Variants in CSMD2 observed in about 807,000 individuals in gnomAD.
CSMD2 encodes CUB and sushi domain-containing protein 2.
In CSMD2, 130 loss-of-function variants were observed where a neutral mutation model predicts 398.5. The observed-to-expected ratio is 0.33, with a 90% confidence interval of 0.28 to 0.38. The LOEUF (loss-of-function observed/expected upper bound fraction) is 0.38, where lower values mean the gene tolerates loss of function less well. Among genes scored for constraint, CSMD2 ranks in the 10% least tolerant of loss-of-function variants. CSMD2 has a pLI of 1.00. For synonymous variants in CSMD2, 1,828 were observed against 1,908.5 expected (o/e 0.96, Z 1.10); for missense variants, 3,829 against 4,764.9 (o/e 0.80, Z 5.78).
intron 2 of CSMD2, among the ~76,000 whole-genome samples, chr1:34,060,492 G>A (rs1300714437): frequency 6.6e-6 from 1 of 152,160 alleles, no homozygotes; most frequent in African/African-American, 2.4e-5. Flanking sequence ...GGGAGGACAG[G>A]CAACTGCGGC....
chr1:33,666,957 G>T (rs906668615), intron 25 of CSMD2, among the ~76,000 whole-genome samples: 2 of 152,180 alleles, frequency 1.3e-5, no homozygotes, highest in African/African-American at 4.8e-5. Context: ...CGTGAAAGGA[G>T]AGTGCTTTCT....
At chr1:34,042,221 C>T (rs1651927431) in intron 2 of CSMD2, among the ~76,000 whole-genome samples, 1 of 152,200 alleles carries the variant, frequency 6.6e-6, no homozygotes, top group South Asian at 2.1e-4. Flanking sequence ...TAGGCTTTGT[C>T]CAAATGTCTT....
chr1:33,982,427 G>A (rs1230840226), intron 3 of CSMD2, among the ~76,000 whole-genome samples: 4 of 152,174 alleles, frequency 2.6e-5, no homozygotes, highest in Non-Finnish European at 2.9e-5. Context: ...CCTTGAGAAA[G>A]CCATTTAACC....
chr1:33,898,244 G>T (rs1009803192), intron 5 of CSMD2, among the ~76,000 whole-genome samples: 1 of 152,146 alleles, frequency 6.6e-6, no homozygotes, highest in Non-Finnish European at 1.5e-5. Context: ...CTTGTTGAAG[G>T]GATATCGTGG....
At chr1:33,597,871 GCAATGAAAT>G (rs1234123980) in intron 44 of CSMD2, among the ~76,000 whole-genome samples, 1 of 152,188 alleles carries the variant, frequency 6.6e-6, no homozygotes, top group African/African-American at 2.4e-5. Context: ...ATATTTTCAT[GCAATGAAAT>G]CATACAGCAT....
Position 33,567,906 on chromosome 1 carries a change from C to T in CSMD2, c.8132-65G>A, listed in dbSNP as rs576147038. On this transcript the variant is annotated intron_variant, in intron 52 of 70. Coordinates refer to ENST00000373381, the MANE Select transcript of CSMD2 (RefSeq NM_001281956.2). Reference sequence around the variant, plus strand: ...ACAACTCATTACTTTTCCCACCTCTCCCTGAGAGTAGCAATCTAGGAGTGA... The same window carrying T: ...ACAACTCATTACTTTTCCCACCTCTTCCTGAGAGTAGCAATCTAGGAGTGA... 407 of 1,520,230 alleles carry T rather than the reference C, an allele frequency of 2.7e-4. 2 individuals are homozygous for T. The Middle Eastern group carries it at 2.8e-3, about 10-fold the overall frequency. 94.2% of individuals were successfully genotyped at this position (1,520,230 alleles called of 1,614,324 possible).
At chr1:34,139,305 C>A (rs1160745639) in intron 1 of CSMD2, among the ~76,000 whole-genome samples, 1 of 152,172 alleles carries the variant, frequency 6.6e-6, no homozygotes, top group East Asian at 1.9e-4. Context: ...CCTGGACTGG[C>A]ACACTCAGCC....
intron 44 of CSMD2, among the ~76,000 whole-genome samples, chr1:33,588,741 A>T (rs1639246457): frequency 1.3e-5 from 2 of 152,156 alleles, no homozygotes; most frequent in Non-Finnish European, 2.9e-5. Context: ...GCGCCATGAA[A>T]TCTTGCAGCT....
At chr1:33,837,124 T>C (rs1660374318) in intron 6 of CSMD2, among the ~76,000 whole-genome samples, 1 of 152,142 alleles carries the variant, frequency 6.6e-6, no homozygotes, top group Non-Finnish European at 1.5e-5. Context: ...TTTTTAACAG[T>C]CTGCTCAGGT....
In CSMD2 at chr1:33,635,322, C is replaced by A. The variant is rs1642731310; in HGVS notation, c.4978G>T (p.Gly1660Trp). 1 of 1,604,530 alleles carries A rather than the reference C, an allele frequency of 6.2e-7. No homozygotes were observed. Among genetic ancestry groups the A allele is most frequent in the Admixed American group, 1.7e-5 (1 of 59,768 alleles). ...CCGTCCGAACCCACATACTGTCCCC[C>A]ACAGGGGGCTGAAAGAGAAACCAGA... ...NPRPVCTAPC[G>W]GQYVGSDGVV... is the part of the protein sequence containing the mutation. Residue 1660 changes from glycine (G) to tryptophan (W), a missense_variant, in exon 31 of 71, where the codon GGG (glycine) becomes TGG (tryptophan). Physicochemically the swap from Gly to Trp is radical, Grantham distance 184 (BLOSUM62 -2). Coordinates refer to ENST00000373381, the MANE Select transcript of CSMD2 (RefSeq NM_001281956.2). This position sits in a 1 kb window ranked among gnomAD's most constrained non-coding sequence, Gnocchi z 5.0.
chr1:33,550,330 C>A lies in CSMD2; in HGVS notation c.8764G>T (p.Gly2922Cys). The A allele has an allele frequency of 6.2e-7, 1 of 1,614,012 alleles. No individual in the cohort carries two copies. Residue 2922 changes from glycine (G) to cysteine (C), a missense_variant, in exon 56 of 71, where the codon GGC becomes TGC. This residue lies in a region of CSMD2 where 917 missense variants were observed against 1,199.5 expected (regional missense o/e 0.76). Transcript: ENST00000373381. ...GACATCTGGGAGTGAGGCGGGGAGC[C>A]CGGATGGCCACAGGACACCACTGTG... ...QCLLVSCGHP[G>C]SPPHSQMSGD...
At chr1:33,717,550 T>C (rs1013746614) in intron 19 of CSMD2, among the ~76,000 whole-genome samples, 2 of 151,636 alleles carry the variant, frequency 1.3e-5, no homozygotes, top group African/African-American at 4.9e-5. Flanking sequence ...AAGGTGTGGG[T>C]TGTAGAAGAG....
At chr1:33,643,889 TGAAGGAAG>T (rs3078758) in intron 29 of CSMD2, among the ~76,000 whole-genome samples, 9,049 of 142,726 alleles carry the variant, frequency 0.063, 299 homozygotes, top group African/African-American at 0.085. Flanking sequence ...AGTCTGGGAA[TGAAGGAAG>T]GAAGGAAGGA....
intron 66 of CSMD2, among the ~76,000 whole-genome samples, 158 bp from the exon 67 acceptor site, chr1:33,523,577 A>G (rs1215207827): frequency 6.6e-6 from 1 of 152,146 alleles, no homozygotes; most frequent in Non-Finnish European, 1.5e-5. Flanking sequence ...TGTAGTGTTG[A>G]GTGTGGGTTT....
chr1:33,804,292 T>A (rs1371063727), intron 10 of CSMD2, among the ~76,000 whole-genome samples: 2 of 152,234 alleles, frequency 1.3e-5, no homozygotes, highest in Non-Finnish European at 2.9e-5. Flanking sequence ...CTCACCATGA[T>A]CTGAATCCTG....
At chr1:33,784,425 A>T (rs972057254) in intron 12 of CSMD2, among the ~76,000 whole-genome samples, 18 of 152,174 alleles carry the variant, frequency 1.2e-4, no homozygotes, top group African/African-American at 4.1e-4. Flanking sequence ...TTTGCCCCTC[A>T]TATAAAAAGT....
chr1:33,625,171 C>T lies in CSMD2; in HGVS notation c.5380G>A (p.Gly1794Arg). 3 of 1,613,366 alleles carry T rather than the reference C, an allele frequency of 1.9e-6. No homozygotes were observed. Among genetic ancestry groups the T allele is most frequent in the Non-Finnish European group, 2.5e-6 (3 of 1,179,768 alleles). Residue 1794 changes from glycine to arginine, a missense_variant, in exon 34 of 71, where the codon GGG becomes AGG. Physicochemically the swap from Gly to Arg is moderately radical, Grantham distance 125 (BLOSUM62 -2). Transcript: ENST00000373381. ...GKRLGSDFSV[G>R]AIVRFECNSG... ...TTGCATTCGAAGCGGACGATGGCCCCCACCGAGAAGTCACTGCCCAGCCTC... is the reference window on the plus strand; with the variant it reads ...TTGCATTCGAAGCGGACGATGGCCCTCACCGAGAAGTCACTGCCCAGCCTC...
At position 33,709,890 on chromosome 1, in the gene CSMD2, G is replaced by A. The variant is rs1261221736; in HGVS notation, c.3407-632C>T. On this transcript the variant is annotated intron_variant, in intron 21 of 70. Transcript: ENST00000373381. Reference sequence around the variant, plus strand: ...CCTCTCTGTGGATTCACGAGGAGGAGGGGGCTGAGAACTCAACCTCCTGGG... The same window carrying A: ...CCTCTCTGTGGATTCACGAGGAGGAAGGGGCTGAGAACTCAACCTCCTGGG... 2.0e-5 allele frequency among the ~76,000 whole-genome samples: 3 copies of A among 152,068 alleles called. 1 individual carries two copies. The highest frequency in any genetic ancestry group is 4.4e-5 in the Non-Finnish European group (3 of 68,008).
chr1:34,007,656 G>A (rs962654301), intron 3 of CSMD2, among the ~76,000 whole-genome samples: 5 of 152,116 alleles, frequency 3.3e-5, no homozygotes, highest in South Asian at 2.1e-4. Context: ...AATGTTTCAC[G>A]ACAGCATTAT....
Sources: gnomAD v4.1 joint callset for allele counts (sites outside exome capture counted in the v4.1 genomes callset) on GRCh38, gnomAD v4.1.1 for gene constraint, gnomAD v4.1.1 regional missense constraint, Gnocchi (gnomAD v3.1) non-coding constraint, MANE v1.5 for transcripts, NCBI Gene and HGNC (gene_info 2026-07-23, HGNC 2026-07-21) for gene names.